The following DEFB124 variants were observed in gnomAD, a reference collection of about 807,000 sequenced individuals.
The protein encoded by DEFB124 is beta-defensin 124.
For missense variants in DEFB124, 78 were observed against 83.1 expected, an observed-to-expected ratio of 0.94 and a Z score of 0.24; for synonymous variants, 38 against 36.5, an observed-to-expected ratio of 1.04 and a Z score of -0.15.
In DEFB124 at chr20:31,465,586, G is replaced by T. The variant is rs1040918107; in HGVS notation, c.136C>A (p.His46Asn). ...TYCTRQETYM[H>N]LCPDASLCCL... Reference sequence around the variant, plus strand: ...CACAGGGACGCATCCGGGCACAGGTGCATGTAAGTTTCTTGCCTTGTGCAG... The same window carrying T: ...CACAGGGACGCATCCGGGCACAGGTTCATGTAAGTTTCTTGCCTTGTGCAG... Residue 46 changes from histidine (H) to asparagine (N), a missense_variant, in exon 3 of 3, where the codon CAC becomes AAC. His to Asn is a moderately conservative substitution (Grantham distance 68). Transcript: ENST00000317676. 3.7e-6 allele frequency: 6 copies of T among 1,614,090 alleles called. No individual in the cohort carries two copies. Among genetic ancestry groups the T allele is most frequent in the Non-Finnish European group, 4.2e-6 (5 of 1,180,048 alleles).
intron 2 of DEFB124, among the ~76,000 whole-genome samples, chr20:31,467,396 T>C (rs949589664): frequency 6.6e-6 from 1 of 152,200 alleles, no homozygotes; most frequent in Admixed American, 6.5e-5. Flanking sequence ...GTGTGTAGTA[T>C]AATCGTTAAC....
At chr20:31,469,570 G>A (rs1980173162) in intron 2 of DEFB124, among the ~76,000 whole-genome samples, 1 of 151,614 alleles carries the variant, frequency 6.6e-6, no homozygotes, top group South Asian at 2.1e-4. Flanking sequence ...AAGGTCTCTG[G>A]TTTTCCTAGG....
rs1980091412 is a variant in DEFB124 at position 31,466,624 on chromosome 20, A to ATATATATATATATATATATATATAT, written c.59-962_59-961insATATATATATATATATATATATATA. Among the ~76,000 whole-genome samples, 5 of 71,918 alleles carry ATATATATATATATATATATATATAT rather than the reference A, an allele frequency of 7.0e-5. No homozygotes were observed. In the African/African-American group the frequency reaches 8.4e-4, roughly 12 times the overall value. The allele number at this position is 71,918 out of a possible 152,430, so 47.2% of individuals were successfully genotyped here. A position where few individuals can be genotyped will look rare whatever the true frequency, so the allele number is the denominator to read the frequency against. On this transcript the variant is annotated intron_variant, in intron 2 of 2. Transcript: ENST00000317676. ...CAAAAAGAATATATATATATATATA[A>ATATATATATATATATATATATATAT]AACCTTATCCGAGGTCATACCACCA... is the stretch of plus-strand genomic sequence containing the variant.
At chr20:31,471,016 A>C (rs1291588374) in intron 2 of DEFB124, among the ~76,000 whole-genome samples, 42 of 81,102 alleles carry the variant, frequency 5.2e-4, no homozygotes, top group East Asian at 7.2e-4. Context: ...GGCTGACCTC[A>C]CCTCCCTCCC....
intron 2 of DEFB124, among the ~76,000 whole-genome samples, chr20:31,470,392 A>C (rs1246000420): frequency 9.1e-5 from 9 of 98,986 alleles, no homozygotes; most frequent in Non-Finnish European, 1.0e-4. Context: ...TGACCCCCCC[A>C]CCTCCCTCCC....
chr20:31,470,884 A>AC (rs1980259359), intron 2 of DEFB124, among the ~76,000 whole-genome samples: 1 of 120,286 alleles, frequency 8.3e-6, no homozygotes, highest in Non-Finnish European at 1.7e-5. Context: ...CGGGGGGCTG[A>AC]GCCCCCCACC....
rs114054017 is a variant in DEFB124, at chr20:31,465,531, G to A, written c.191C>T (p.Pro64Leu). 3,623 of 1,614,150 alleles carry A rather than the reference G, an allele frequency of 2.2e-3. 75 individuals carry two copies. In the African/African-American group the frequency reaches 0.041, roughly 18 times the overall value. ...CCLSYALKPP[P>L]VPKHEYE is the part of the protein sequence containing the mutation. The stretch of plus-strand genomic sequence containing the variant: ...CTACTCATATTCATGCTTGGGGACC[G>A]GTGGAGGTTTCAATGCATAGGAGAG... The change falls in exon 3 of 3, where the codon CCG becomes CTG. Residue 64 changes from proline (P) to leucine (L), a missense_variant. Coordinates refer to ENST00000317676, the MANE Select transcript of DEFB124 (RefSeq NM_001037500.2).
intron 2 of DEFB124, among the ~76,000 whole-genome samples, chr20:31,469,501 G>C (rs6120374): frequency 0.36 from 54,433 of 150,838 alleles, 12,988 homozygotes; most frequent in African/African-American, 0.69. Flanking sequence ...CGCAGAGGGG[G>C]ATTTGGCAGG....
intron 2 of DEFB124, among the ~76,000 whole-genome samples, chr20:31,471,658 C>T (rs1193658994): frequency 9.2e-5 from 13 of 140,564 alleles, no homozygotes; most frequent in South Asian, 2.3e-4. Context: ...GGGCAGCTGC[C>T]GGGCGGAGGG....
chr20:31,466,962 A>G (rs766321030), intron 2 of DEFB124, among the ~76,000 whole-genome samples: 12 of 152,196 alleles, frequency 7.9e-5, no homozygotes, highest in Non-Finnish European at 1.5e-4. Flanking sequence ...GTCAAGGAAG[A>G]CAGTTAAAAA....
intron 2 of DEFB124, among the ~76,000 whole-genome samples, chr20:31,466,454 G>T (rs1980084263): frequency 6.6e-6 from 1 of 151,890 alleles, no homozygotes; most frequent in Admixed American, 6.6e-5. Context: ...ATAAAAATTA[G>T]CCGGGCCTGG....
At chr20:31,470,154 G>C (rs560700146) in intron 2 of DEFB124, among the ~76,000 whole-genome samples, 13,824 of 132,760 alleles carry the variant, frequency 0.1, 998 homozygotes, top group East Asian at 0.25. Flanking sequence ...AGGGGCGGCC[G>C]GGCAGAGGTG....
chr20:31,470,864 G>T (rs866638464), intron 2 of DEFB124, among the ~76,000 whole-genome samples: 18,628 of 130,854 alleles, frequency 0.14, 405 homozygotes, highest in African/African-American at 0.27. Context: ...GGACGGGGCG[G>T]CTGGCCGGGC....
intron 2 of DEFB124, among the ~76,000 whole-genome samples, chr20:31,466,525 G>A (rs1329507115): frequency 1.3e-5 from 2 of 150,668 alleles, no homozygotes; most frequent in Admixed American, 6.6e-5. Context: ...GCTTGAACCC[G>A]GAAGGCGGAG....
At chr20:31,465,718 C>T in intron 2 of DEFB124, 55 bp from the exon 3 acceptor site, 4 of 1,588,738 alleles carry the variant, frequency 2.5e-6, no homozygotes, top group Non-Finnish European at 3.4e-6. Context: ...CACGTTAGAC[C>T]ACTGGTCACA....
intron 2 of DEFB124, among the ~76,000 whole-genome samples, chr20:31,467,747 T>A (rs1980117258): frequency 6.6e-6 from 1 of 152,010 alleles, no homozygotes; most frequent in Non-Finnish European, 1.5e-5. Flanking sequence ...GTGAGGACAC[T>A]TTCTATAATA....
At chr20:31,474,034 C>G (rs1223405895) in intron 1 of DEFB124, among the ~76,000 whole-genome samples, 1 of 152,200 alleles carries the variant, frequency 6.6e-6, no homozygotes, top group Non-Finnish European at 1.5e-5. Context: ...ATGAGCCAAG[C>G]AAGGGTTTTC....
intron 2 of DEFB124, among the ~76,000 whole-genome samples, chr20:31,468,764 C>T (rs569072720): frequency 2.4e-3 from 366 of 152,136 alleles, no homozygotes; most frequent in Middle Eastern, 6.8e-3. Flanking sequence ...CGTGAGCCAC[C>T]GCGCCCGGCC....
intron 2 of DEFB124, among the ~76,000 whole-genome samples, chr20:31,467,810 T>G (rs1980119304): frequency 1.3e-5 from 2 of 152,054 alleles, no homozygotes; most frequent in African/African-American, 4.8e-5. Flanking sequence ...TGGAGTGCAG[T>G]AGTGTAATCT....
Sources: gnomAD v4.1 joint callset for allele counts (sites outside exome capture counted in the v4.1 genomes callset) on GRCh38, gnomAD v4.1.1 for gene constraint, MANE v1.5 for transcripts, NCBI Gene and HGNC (gene_info 2026-07-23, HGNC 2026-07-21) for gene names.